Variants in GLYR1 observed in about 807,000 individuals in gnomAD.
GLYR1 encodes cytokine-like nuclear factor N-PAC.
GLYR1 carries 21 observed loss-of-function variants against 72.7 expected under a neutral mutation model. The ratio of observed to expected loss-of-function variants is 0.29; its 90% confidence interval spans 0.20 to 0.42. GLYR1 has a LOEUF of 0.42. Ranked by LOEUF, GLYR1 falls within the 10% of genes least tolerant of loss-of-function variation. The pLI, the probability that GLYR1 is intolerant of heterozygous loss-of-function variation, is 1.00. For missense variants in GLYR1, 594 were observed against 712.1 expected (o/e 0.83, Z 1.89); for synonymous variants, 392 against 270.2 (o/e 1.45, Z -4.42).
At chr16:4,820,764 T>A (rs1383552537) in intron 9 of GLYR1, among the ~76,000 whole-genome samples, 1 of 152,190 alleles carries the variant, frequency 6.6e-6, no homozygotes, top group Non-Finnish European at 1.5e-5. Flanking sequence ...CCAACAAGAC[T>A]CTGCGGAGGA....
chr16:4,812,556 G>C (rs749556882), intron 12 of GLYR1, among the ~76,000 whole-genome samples: 1 of 150,706 alleles, frequency 6.6e-6, no homozygotes, highest in African/African-American at 2.4e-5. Context: ...GCAGTGGAGC[G>C]ATCTCGGATC....
At chr16:4,807,009 T>C (rs1358068668) in intron 15 of GLYR1, among the ~76,000 whole-genome samples, 3 of 151,850 alleles carry the variant, frequency 2.0e-5, no homozygotes, top group Non-Finnish European at 4.4e-5. Context: ...GGTTTCACCC[T>C]GTTAGCCAGG....
At chr16:4,824,498 CAAAAA>C (rs142627380) in intron 5 of GLYR1, among the ~76,000 whole-genome samples, 1 of 95,152 alleles carries the variant, frequency 1.1e-5, no homozygotes, top group Non-Finnish European at 2.1e-5. Context: ...GACTCCATCT[CAAAAA>C]AAAAAAAAAA....
chr16:4,845,031 C>A (rs749040491), intron 3 of GLYR1, 43 bp downstream of exon 3: 2 of 1,346,694 alleles, frequency 1.5e-6, no homozygotes, highest in South Asian at 1.2e-5. Flanking sequence ...CCAGGTAACA[C>A]AGAAAGAAAG....
intron 10 of GLYR1, among the ~76,000 whole-genome samples, 198 bp downstream of exon 10, chr16:4,817,400 T>C (rs962488877): frequency 1.3e-5 from 2 of 152,004 alleles, no homozygotes; most frequent in African/African-American, 2.4e-5. Context: ...ATTACAGGAG[T>C]GAGCCACCGC....
chr16:4,822,275 T>A (rs997015010), intron 7 of GLYR1, among the ~76,000 whole-genome samples: 7 of 151,680 alleles, frequency 4.6e-5, no homozygotes, highest in African/African-American at 1.7e-4. Flanking sequence ...TCAGTAGAGA[T>A]GGGGTTTCAC....
Position 4,805,206 on chromosome 16 carries a change from T to G in GLYR1, c.*30A>C. On this transcript the variant is annotated 3_prime_UTR_variant, in exon 16 of 16. Coordinates refer to ENST00000321919, the MANE Select transcript of GLYR1 (RefSeq NM_032569.4). ...GAGGAAGAGGGGGTCAGAGGGGGGA[T>G]TGGAGGGGTGAGGGCGGGGTGTCGA... The G allele has an allele frequency of 8.2e-6, 13 of 1,589,694 alleles. No individual in the cohort carries two copies. The highest frequency in any genetic ancestry group is 1.3e-5 in the African/African-American group (1 of 74,486).
At chr16:4,847,146 A>T in intron 1 of GLYR1, 82 bp downstream of exon 1, 1 of 1,320,930 alleles carries the variant, frequency 7.6e-7, no homozygotes, top group Non-Finnish European at 1.1e-6. Flanking sequence ...ATAAAAAGGC[A>T]GCTCCAGGGC....
chr16:4,810,699 T>TGA (rs1555496112), intron 15 of GLYR1, among the ~76,000 whole-genome samples: 1 of 21,814 alleles, frequency 4.6e-5, no homozygotes, highest in Non-Finnish European at 7.4e-5. Context: ...CTGTCTCTAC[T>TGA]AAAAAAAAAA....
chr16:4,815,789 A>C (rs1567681900), intron 10 of GLYR1, among the ~76,000 whole-genome samples: 1 of 146,778 alleles, frequency 6.8e-6, no homozygotes, highest in African/African-American at 2.5e-5. Flanking sequence ...CAACTGTTTC[A>C]TTTTTTTTTT....
At chr16:4,812,023 A>T (rs1000304261) in intron 13 of GLYR1, 63 bp downstream of exon 13, 2 of 1,551,558 alleles carry the variant, frequency 1.3e-6, no homozygotes, top group Non-Finnish European at 1.7e-6. Flanking sequence ...TGACGCTGTC[A>T]TCAGTGTGAA....
At chr16:4,808,646 A>G (rs2083140094) in intron 15 of GLYR1, among the ~76,000 whole-genome samples, 1 of 152,188 alleles carries the variant, frequency 6.6e-6, no homozygotes, top group African/African-American at 2.4e-5. Flanking sequence ...AAAGTGTATC[A>G]GCTGATAGTA....
intron 3 of GLYR1, among the ~76,000 whole-genome samples, chr16:4,838,576 A>G (rs2142035422): frequency 6.7e-6 from 1 of 149,904 alleles, no homozygotes; most frequent in Non-Finnish European, 1.5e-5. Context: ...ATCCACAGCC[A>G]CTGATGAAAC....
At chr16:4,831,217 C>A (rs191418540) in intron 5 of GLYR1, among the ~76,000 whole-genome samples, 6 of 152,256 alleles carry the variant, frequency 3.9e-5, no homozygotes, top group African/African-American at 1.4e-4. Flanking sequence ...TCTTTGCTTG[C>A]AACATTTGCA....
intron 14 of GLYR1, 26 bp downstream of exon 14, chr16:4,811,597 A>T: frequency 6.2e-7 from 1 of 1,610,148 alleles, no homozygotes; most frequent in Non-Finnish European, 8.5e-7. Context: ...CACCAAATGC[A>T]AGAAGAGGGG....
chr16:4,813,040 G>A (rs1289878791), intron 12 of GLYR1, among the ~76,000 whole-genome samples: 1 of 151,178 alleles, frequency 6.6e-6, no homozygotes, highest in Non-Finnish European at 1.5e-5. Context: ...ACAGCTCACT[G>A]CAAGCTCCGC....
chr16:4,831,665 T>C (rs2084807978), intron 5 of GLYR1, among the ~76,000 whole-genome samples: 1 of 152,116 alleles, frequency 6.6e-6, no homozygotes. Context: ...TCTATGGGAT[T>C]CTTTATTTTT....
chr16:4,837,392 C>T (rs1158736446), intron 3 of GLYR1, among the ~76,000 whole-genome samples: 1 of 151,172 alleles, frequency 6.6e-6, no homozygotes, highest in Non-Finnish European at 1.5e-5. Context: ...GATCGTGCTA[C>T]TGCACTCCAG....
At chr16:4,840,188 T>C (rs549754219) in intron 3 of GLYR1, 6 of 152,660 alleles carry the variant, frequency 3.9e-5, no homozygotes, top group African/African-American at 1.4e-4. Flanking sequence ...CCTAACACAG[T>C]CATACCACAA....
Sources: allele counts gnomAD v4.1 joint callset (sites outside exome capture counted in the v4.1 genomes callset), GRCh38; gene constraint gnomAD v4.1.1; transcripts MANE v1.5; gene names NCBI Gene and HGNC (gene_info 2026-07-23, HGNC 2026-07-21).